Variants in RGS7 observed in about 807,000 individuals in gnomAD.
RGS7 encodes regulator of G-protein signaling 7.
Under a neutral mutation model 81.1 loss-of-function variants are expected in RGS7, and 27 were observed. The observed-to-expected ratio is 0.33, with a 90% CI of 0.25 to 0.46. The LOEUF is 0.46. Ranked by LOEUF, RGS7 falls within the 20% of genes least tolerant of loss-of-function variation. The pLI is 1.00. For missense variants in RGS7, 396 were observed against 607.4 expected (o/e 0.65, Z 3.66); for synonymous variants, 208 against 207.7 (o/e 1.00, Z -0.01).
In RGS7 at chr1:240,806,169, G is replaced by C. The variant is rs1453698247; in HGVS notation, c.1240C>G (p.Pro414Ala). Residue 414 changes from proline (P) to alanine (A), a missense_variant, in exon 15 of 19, where the codon CCT becomes GCT. By Grantham distance (27) the Pro-to-Ala change is conservative. Transcript: ENST00000440928. ...GCATCTTCAAATGTGTATCGTCCAG[G>C]TTCCTTCACGTTCTGTGTGGTTTTG... is the stretch of plus-strand genomic sequence containing the variant. Reference protein sequence around the residue: ...YDKTTQNVKEPGRYTFEDAQE... With the variant: ...YDKTTQNVKEAGRYTFEDAQE... 1 of 1,613,836 alleles carries C rather than the reference G, an allele frequency of 6.2e-7. No individual in the cohort carries two copies. The highest frequency in any genetic ancestry group is 1.3e-5 in the African/African-American group (1 of 74,894).
intron 2 of RGS7, among the ~76,000 whole-genome samples, chr1:241,255,448 T>C (rs751662148): frequency 7.2e-5 from 11 of 152,292 alleles, no homozygotes; most frequent in Non-Finnish European, 1.6e-4. Context: ...GAACTGATTG[T>C]CCATGACAGG....
chr1:241,142,328 T>C (rs1035952198), intron 2 of RGS7, among the ~76,000 whole-genome samples: 1 of 152,220 alleles, frequency 6.6e-6, no homozygotes, highest in Non-Finnish European at 1.5e-5. Flanking sequence ...GTGGGGGCTC[T>C]GAACCTACGT....
At position 240,796,846 on chromosome 1, in the gene RGS7, T is replaced by C. The variant is rs377491453; in HGVS notation, c.*6+3795A>G. 1.3e-4 allele frequency among the ~76,000 whole-genome samples: 20 copies of C among 152,258 alleles called. No homozygotes were observed. In the East Asian group the frequency reaches 3.1e-3, roughly 24 times the overall value. On this transcript the variant is annotated intron_variant, in intron 18 of 18. Coordinates refer to ENST00000440928, the MANE Select transcript of RGS7 (RefSeq NM_001364886.1). ...TAGGAGCTCAATCCACCAGCACAAA[T>C]ACACCAGGACAGAGAGAACGGGATA...
intron 2 of RGS7, among the ~76,000 whole-genome samples, chr1:241,288,877 C>G (rs186781198): frequency 1.3e-5 from 2 of 152,300 alleles, no homozygotes; most frequent in Admixed American, 1.3e-4. Flanking sequence ...ATGTTCCCTA[C>G]CTGCTCCAGC....
intron 6 of RGS7, among the ~76,000 whole-genome samples, chr1:240,886,118 C>T (rs1667297764): frequency 6.6e-6 from 1 of 152,084 alleles, no homozygotes; most frequent in Admixed American, 6.6e-5. Flanking sequence ...GCCACTGTTC[C>T]AAGCAAAATG....
intron 2 of RGS7, chr1:241,305,872 G>T: frequency 3.4e-6 from 1 of 294,982 alleles, no homozygotes; most frequent in Admixed American, 3.8e-5. Flanking sequence ...CCACGGCCAT[G>T]GGGTAGTGCA....
At position 241,331,279 on chromosome 1, in the gene RGS7, T is replaced by C. The variant is rs558355867; in HGVS notation, c.78+24420A>G. 2.0e-5 allele frequency among the ~76,000 whole-genome samples: 3 copies of C among 152,292 alleles called. No individual in the cohort carries two copies. The East Asian group carries it at 5.8e-4, about 29-fold the overall frequency. ...CATTTTGAGGAAGAAGAAATGCTAG[T>C]CAAAATTTACTTAGAATCTATTAAA... On this transcript the variant is annotated intron_variant, in intron 2 of 18. Coordinates refer to ENST00000440928, the MANE Select transcript of RGS7 (RefSeq NM_001364886.1).
At chr1:241,221,942 A>G (rs2075042119) in intron 2 of RGS7, among the ~76,000 whole-genome samples, 1 of 152,070 alleles carries the variant, frequency 6.6e-6, no homozygotes, top group Non-Finnish European at 1.5e-5. Flanking sequence ...ACTCACACAT[A>G]TACACTTTAT....
At chr1:240,819,945 T>C (rs1393959161) in intron 10 of RGS7, among the ~76,000 whole-genome samples, 2 of 152,228 alleles carry the variant, frequency 1.3e-5, no homozygotes, top group Non-Finnish European at 2.9e-5. Flanking sequence ...GGGATAGTGA[T>C]AGCGTTTAAC....
At chr1:241,277,349 G>A (rs2078247093) in intron 2 of RGS7, among the ~76,000 whole-genome samples, 1 of 152,148 alleles carries the variant, frequency 6.6e-6, no homozygotes, top group Non-Finnish European at 1.5e-5. Flanking sequence ...GCCAGGCGTG[G>A]TGGCTCACGC....
At chr1:241,192,159 GGTGTGTGTGTGTGTGTGTGTGTGT>G (rs58714151) in intron 2 of RGS7, among the ~76,000 whole-genome samples, 3 of 122,010 alleles carry the variant, frequency 2.5e-5, no homozygotes, top group South Asian at 5.5e-4. Flanking sequence ...AGAGAAAACA[GGTGTGTGTGTGTGTGTGTGTGTGT>G]GTGTGTGTGT....
intron 9 of RGS7, among the ~76,000 whole-genome samples, chr1:240,857,826 A>G (rs1661426443): frequency 6.6e-6 from 1 of 151,980 alleles, no homozygotes; most frequent in Non-Finnish European, 1.5e-5. Flanking sequence ...ACCTGGTGGG[A>G]GGTAATTGAA....
At chr1:240,844,972 C>T (rs1421189859) in intron 9 of RGS7, among the ~76,000 whole-genome samples, 2 of 152,146 alleles carry the variant, frequency 1.3e-5, no homozygotes, top group East Asian at 1.9e-4. Context: ...CACCACAAAA[C>T]TGACAATGCC....
chr1:240,946,032 A>G lies in RGS7; in HGVS notation c.227-9326T>C, dbSNP rs373162705. Reference sequence around the variant, plus strand: ...GATATGGGTAAATTTGTTAAATAAGATGTATTAAAACATTTTTTCTGTTTG... The same window carrying G: ...GATATGGGTAAATTTGTTAAATAAGGTGTATTAAAACATTTTTTCTGTTTG... On this transcript the variant is annotated intron_variant, in intron 4 of 18. Transcript: ENST00000440928. 5.7e-4 allele frequency among the ~76,000 whole-genome samples: 87 copies of G among 152,300 alleles called. 3 individuals are homozygous for G. The highest frequency in any genetic ancestry group is 2.1e-3 in the African/African-American group (87 of 41,564).
chr1:241,294,770 T>TAC (rs1479602017), intron 2 of RGS7, among the ~76,000 whole-genome samples: 1 of 152,216 alleles, frequency 6.6e-6, no homozygotes, highest in African/African-American at 2.4e-5. Flanking sequence ...ACCATGGTGT[T>TAC]ACAACTGCCT....
At chr1:241,277,476 G>A (rs764459564) in intron 2 of RGS7, among the ~76,000 whole-genome samples, 86 of 152,152 alleles carry the variant, frequency 5.7e-4, no homozygotes, top group Non-Finnish European at 2.1e-4. Context: ...AAAATTAGCC[G>A]GGCGTAGTGA....
intron 2 of RGS7, among the ~76,000 whole-genome samples, chr1:241,203,954 C>T (rs1304859316): frequency 1.3e-5 from 2 of 152,218 alleles, no homozygotes; most frequent in East Asian, 3.9e-4. Context: ...CTTATCTTCC[C>T]GAAATGATAA....
chr1:241,206,383 C>T (rs2686215), intron 2 of RGS7, among the ~76,000 whole-genome samples: 51,178 of 151,552 alleles, frequency 0.34, 9,040 homozygotes, highest in African/African-American at 0.44. Context: ...CACCACCACA[C>T]CTGGTTAATT....
At chr1:241,245,851 T>C (rs1027751845) in intron 2 of RGS7, among the ~76,000 whole-genome samples, 2 of 150,590 alleles carry the variant, frequency 1.3e-5, no homozygotes, top group Non-Finnish European at 2.9e-5. Flanking sequence ...ATGCCTGTAA[T>C]CCCAGCACTT....
Sources: gnomAD v4.1 joint callset for allele counts (sites outside exome capture counted in the v4.1 genomes callset) on GRCh38, gnomAD v4.1.1 for gene constraint, MANE v1.5 for transcripts, NCBI Gene and HGNC (gene_info 2026-07-23, HGNC 2026-07-21) for gene names.